GLIS1: variants seen among roughly 807,000 people sequenced by gnomAD.
The protein encoded by GLIS1 is GLIS family zinc finger 1, also known as zinc finger protein GLIS1.
A neutral mutation model predicts 63.8 loss-of-function variants in GLIS1; 24 were observed. That is an observed-to-expected ratio of 0.38 (90% CI 0.27 to 0.53). The LOEUF (loss-of-function observed/expected upper bound fraction) is 0.53. Ranked by LOEUF, GLIS1 falls within the 20% of genes least tolerant of loss-of-function variation. The pLI, the probability that GLIS1 is intolerant of heterozygous loss-of-function variation, is 0.85. For synonymous variants in GLIS1, 450 were observed against 482.5 expected (o/e 0.93, Z 0.88); for missense variants, 1,036 against 1,074.1 (o/e 0.96, Z 0.50).
At chr1:53,722,386 A>AAT (rs1419472733) in intron 2 of GLIS1, among the ~76,000 whole-genome samples, 1 of 152,224 alleles carries the variant, frequency 6.6e-6, no homozygotes, top group Non-Finnish European at 1.5e-5. Flanking sequence ...ACATGCAAGT[A>AAT]ATATATATAC....
chr1:53,703,916 T>A (rs1305809141), intron 2 of GLIS1, among the ~76,000 whole-genome samples: 1 of 152,190 alleles, frequency 6.6e-6, no homozygotes, highest in East Asian at 1.9e-4. Context: ...TCAGTGACCA[T>A]GTCCAGCAAG....
intron 2 of GLIS1, among the ~76,000 whole-genome samples, chr1:53,712,614 G>A (rs560747531): frequency 1.3e-5 from 2 of 152,288 alleles, no homozygotes; most frequent in African/African-American, 2.4e-5. Context: ...CACAGGACTC[G>A]ACACAGAGGA....
chr1:53,577,136 C>T (rs368015643), intron 4 of GLIS1, among the ~76,000 whole-genome samples: 35 of 151,830 alleles, frequency 2.3e-4, no homozygotes, highest in Non-Finnish European at 4.6e-4. Flanking sequence ...AGCCTCCCCC[C>T]CCTCCATGCT....
chr1:53,552,963 G>T (rs574592379), intron 4 of GLIS1, among the ~76,000 whole-genome samples: 2 of 152,332 alleles, frequency 1.3e-5, no homozygotes, highest in African/African-American at 4.8e-5. Flanking sequence ...TGGAGTTAGA[G>T]GCACAGGAAT....
intron 4 of GLIS1, among the ~76,000 whole-genome samples, chr1:53,569,719 T>C (rs1644966967): frequency 6.6e-6 from 1 of 151,954 alleles, no homozygotes; most frequent in Non-Finnish European, 1.5e-5. Context: ...CAAAAATGAA[T>C]AGAAATAATA....
At position 53,511,646 on chromosome 1, in the gene GLIS1, T is replaced by C. The variant is rs564250388; in HGVS notation, c.1884-1619A>G. Among the ~76,000 whole-genome samples the C allele has an allele frequency of 6.6e-6, 1 of 152,260 alleles. No homozygotes were observed. Among genetic ancestry groups the C allele is most frequent in the South Asian group, 2.1e-4 (1 of 4,826 alleles). On this transcript the variant is annotated intron_variant, in intron 8 of 10. Transcript: ENST00000628545. The surrounding 1 kb of genome is among the most constrained non-coding windows in gnomAD (Gnocchi z 4.2). ...CACCTCCAGGAATAAATTATCATTA[T>C]CATCATCATTATTTTTAGGCCTGTC...
At chr1:53,622,494 T>C (rs557662705) in intron 2 of GLIS1, among the ~76,000 whole-genome samples, 26 of 150,872 alleles carry the variant, frequency 1.7e-4, no homozygotes, top group African/African-American at 4.6e-4. Context: ...ATCTCCAGAA[T>C]TGGTGAATGT....
intron 4 of GLIS1, among the ~76,000 whole-genome samples, chr1:53,578,930 A>C (rs1645058213): frequency 6.6e-6 from 1 of 152,122 alleles, no homozygotes; most frequent in Admixed American, 6.5e-5. Flanking sequence ...GAAAACATGT[A>C]CCATTCTGCA....
At chr1:53,605,397 C>T (rs1330994556) in intron 2 of GLIS1, among the ~76,000 whole-genome samples, 2 of 152,186 alleles carry the variant, frequency 1.3e-5, no homozygotes, top group Admixed American at 1.3e-4. Context: ...CACACCTCCT[C>T]CTGGAATGGT....
chr1:53,555,513 GAGTGAGACTCTGTCTCAAAAAAACA>G (rs1644810302), intron 4 of GLIS1, among the ~76,000 whole-genome samples: 1 of 152,184 alleles, frequency 6.6e-6, no homozygotes, highest in African/African-American at 2.4e-5. Context: ...CTGGGAGATA[GAGTGAGACTCTGTCTCAAAAAAACA>G]AAAACAAAAA....
chr1:53,612,578 G>A (rs1645435710), intron 2 of GLIS1, among the ~76,000 whole-genome samples: 1 of 152,076 alleles, frequency 6.6e-6, no homozygotes, highest in African/African-American at 2.4e-5. Flanking sequence ...ATCTCCCTGG[G>A]ATCTTGACCC....
intron 4 of GLIS1, among the ~76,000 whole-genome samples, chr1:53,569,006 G>T (rs950286286): frequency 6.6e-6 from 1 of 152,178 alleles, no homozygotes; most frequent in Non-Finnish European, 1.5e-5. Flanking sequence ...GCTATAAAAA[G>T]ACCTGGAAGA....
chr1:53,528,064 G>A (rs1449563675), intron 5 of GLIS1, among the ~76,000 whole-genome samples: 1 of 152,184 alleles, frequency 6.6e-6, no homozygotes, highest in Admixed American at 6.5e-5. Context: ...TGTCAGCGCT[G>A]GCTTGTGGCC....
At chr1:53,638,826 G>A (rs967277641) in intron 2 of GLIS1, among the ~76,000 whole-genome samples, 1 of 152,222 alleles carries the variant, frequency 6.6e-6, no homozygotes, top group Non-Finnish European at 1.5e-5. Flanking sequence ...ACATGACGAG[G>A]CGGGCCCTGA....
intron 4 of GLIS1, among the ~76,000 whole-genome samples, chr1:53,565,286 A>G (rs554310733): frequency 7.9e-5 from 12 of 152,220 alleles, no homozygotes; most frequent in African/African-American, 2.9e-4. Flanking sequence ...TATGCTAGAA[A>G]AAAAGGCTGA....
intron 8 of GLIS1, 25 bp downstream of exon 8, chr1:53,514,600 A>G: frequency 6.3e-7 from 1 of 1,595,464 alleles, no homozygotes; most frequent in Non-Finnish European, 8.5e-7. Flanking sequence ...TTGCCCCTGG[A>G]GGAGGACTGG....
intron 2 of GLIS1, among the ~76,000 whole-genome samples, chr1:53,709,085 G>A (rs986189600): frequency 1.3e-4 from 20 of 152,006 alleles, no homozygotes; most frequent in Admixed American, 1.2e-3. Flanking sequence ...TTTGGGTACA[G>A]AAGGGCTCAA....
chr1:53,657,214 G>A (rs1645975714), intron 2 of GLIS1, among the ~76,000 whole-genome samples: 1 of 152,166 alleles, frequency 6.6e-6, no homozygotes, highest in South Asian at 2.1e-4. Flanking sequence ...TAGAGGCTCA[G>A]GTGTATGTAA....
At chr1:53,660,871 C>T (rs1007116070) in intron 2 of GLIS1, among the ~76,000 whole-genome samples, 16 of 152,156 alleles carry the variant, frequency 1.1e-4, no homozygotes, top group Admixed American at 3.9e-4. Flanking sequence ...GCCCACCAGC[C>T]GAGCTGACTC....
Sources: gnomAD v4.1 joint callset for allele counts (sites outside exome capture counted in the v4.1 genomes callset) on GRCh38, gnomAD v4.1.1 for gene constraint, Gnocchi (gnomAD v3.1) non-coding constraint, MANE v1.5 for transcripts, NCBI Gene and HGNC (gene_info 2026-07-23, HGNC 2026-07-21) for gene names.